DPYSL5: variants seen among roughly 807,000 people sequenced by gnomAD.
DPYSL5 encodes dihydropyrimidinase-related protein 5.
DPYSL5 carries 9 observed loss-of-function variants against 58.4 expected under a neutral mutation model. The ratio of observed to expected loss-of-function variants is 0.15; its 90% confidence interval spans 0.09 to 0.27. DPYSL5 has a LOEUF of 0.27. DPYSL5 is among the 10% of genes least tolerant of loss of function. The pLI, the probability that DPYSL5 is intolerant of heterozygous loss-of-function variation, is 1.00. For missense variants in DPYSL5, 499 were observed against 770.6 expected, an observed-to-expected ratio of 0.65 and a Z score of 4.17; for synonymous variants, 293 against 301.9, an observed-to-expected ratio of 0.97 and a Z score of 0.31.
chr2:26,905,593 C>T lies in DPYSL5; in HGVS notation c.261+6833C>T, dbSNP rs944616704. Among the ~76,000 whole-genome samples the T allele has an allele frequency of 3.3e-5, 5 of 152,128 alleles. No homozygotes were observed. Among genetic ancestry groups the T allele is most frequent in the Admixed American group, 6.5e-5 (1 of 15,268 alleles). On this transcript the variant is annotated intron_variant, in intron 2 of 12. Transcript: ENST00000288699. This position sits in a 1 kb window ranked among gnomAD's most constrained non-coding sequence, Gnocchi z 4.0. ...TCTTCCTGCTGCCCTACCACCCCTC[C>T]GGCCTAGCTGTGGGGGCTGGGATTG...
chr2:26,904,489 A>C (rs993675808), intron 2 of DPYSL5, among the ~76,000 whole-genome samples: 1 of 152,268 alleles, frequency 6.6e-6, no homozygotes, highest in African/African-American at 2.4e-5. Flanking sequence ...CCAGACTCAT[A>C]TGGTCTTGCT....
Position 26,934,767 on chromosome 2 carries a change from T to C in DPYSL5, c.947+33T>C, listed in dbSNP as rs1558352944. 1 of 1,611,236 alleles carries C rather than the reference T, an allele frequency of 6.2e-7. No homozygotes were observed. The highest frequency in any genetic ancestry group is 8.5e-7 in the Non-Finnish European group (1 of 1,178,312). ...GTTTCAGCAGCACATTGCAGGGATG[T>C]GTACATCTTTAGGAAGACGTCATAG... On this transcript the variant is annotated intron_variant, in intron 8 of 12. Transcript: ENST00000288699. The surrounding 1 kb of genome is among the most constrained non-coding windows in gnomAD (Gnocchi z 4.3).
chr2:26,940,934 A>ATTATTAT (rs1665300903), intron 9 of DPYSL5, among the ~76,000 whole-genome samples: 2 of 104,710 alleles, frequency 1.9e-5, no homozygotes, highest in South Asian at 3.2e-4. Context: ...TATTATTATT[A>ATTATTAT]TTATTTATTT....
At chr2:26,888,934 G>A (rs1663799447) in intron 1 of DPYSL5, among the ~76,000 whole-genome samples, 1 of 152,038 alleles carries the variant, frequency 6.6e-6, no homozygotes, top group Non-Finnish European at 1.5e-5. Context: ...TTGCTGTTGA[G>A]GGCTCTCTTC....
chr2:26,934,452 T>G lies in DPYSL5; in HGVS notation c.791-126T>G. The G allele has an allele frequency of 8.6e-7, 1 of 1,160,606 alleles. No individual in the cohort carries two copies. The highest frequency in any genetic ancestry group is 1.2e-6 in the Non-Finnish European group (1 of 833,336). 71.9% of individuals were successfully genotyped at this position (1,160,606 alleles called of 1,614,324 possible). A position where few individuals can be genotyped will look rare whatever the true frequency, so the allele number is the denominator to read the frequency against. On this transcript the variant is annotated intron_variant, in intron 7 of 12. Transcript: ENST00000288699. This position sits in a 1 kb window ranked among gnomAD's most constrained non-coding sequence, Gnocchi z 4.3. ...CCCAGCTGTGCTCTTAAAAGCCCTGTGAGCTTGGGCAGGTCCCTTCCTGTC... is the reference window on the plus strand; with the variant it reads ...CCCAGCTGTGCTCTTAAAAGCCCTGGGAGCTTGGGCAGGTCCCTTCCTGTC...
intron 1 of DPYSL5, among the ~76,000 whole-genome samples, chr2:26,893,010 C>T (rs1205027137): frequency 1.3e-5 from 2 of 152,234 alleles, no homozygotes; most frequent in African/African-American, 4.8e-5. Flanking sequence ...TCCAGTCCAA[C>T]TCCCCACGGC....
At position 26,947,309 on chromosome 2, in the gene DPYSL5, C is replaced by A; in HGVS notation, c.*314C>A. The A allele has an allele frequency of 4.1e-6, 1 of 245,514 alleles. No homozygotes were observed. Among genetic ancestry groups the A allele is most frequent in the South Asian group, 9.5e-5 (1 of 10,552 alleles). The allele number at this position is 245,514 out of a possible 1,614,324, so 15.2% of individuals were successfully genotyped here. On this transcript the variant is annotated 3_prime_UTR_variant, in exon 13 of 13. Transcript: ENST00000288699. The surrounding 1 kb of genome is among the most constrained non-coding windows in gnomAD (Gnocchi z 4.2). Reference sequence around the variant, plus strand: ...GAGCCCTGGCCAGCCCTTCCTCTCACTCCTGCCTCCGCTGGCTTTGGGAAA... The same window carrying A: ...GAGCCCTGGCCAGCCCTTCCTCTCAATCCTGCCTCCGCTGGCTTTGGGAAA...
At position 26,931,591 on chromosome 2, in the gene DPYSL5, T is replaced by C. The variant is rs758987705; in HGVS notation, c.670-49T>C. The stretch of plus-strand genomic sequence containing the variant: ...GGGGAGAGTATGGTGTGGGTATCCT[T>C]GGAGGAGATGGTGAAGTTTGGTTTC... On this transcript the variant is annotated intron_variant, in intron 5 of 12. Coordinates refer to ENST00000288699, the MANE Select transcript of DPYSL5 (RefSeq NM_020134.4). 7.5e-6 allele frequency: 12 copies of C among 1,610,298 alleles called. 1 individual carries two copies. The Middle Eastern group carries it at 8.3e-4, about 111-fold the overall frequency.
intron 5 of DPYSL5, among the ~76,000 whole-genome samples, chr2:26,928,708 C>T (rs79367620): frequency 8.1e-4 from 25 of 30,994 alleles, no homozygotes; most frequent in South Asian, 1.4e-3. Context: ...TATATATACA[C>T]ACACACACAT....
At chr2:26,891,290 G>A (rs1010384637) in intron 1 of DPYSL5, among the ~76,000 whole-genome samples, 1 of 152,168 alleles carries the variant, frequency 6.6e-6, no homozygotes, top group African/African-American at 2.4e-5. Context: ...ATTATTAATA[G>A]AGTCCTTTAA....
chr2:26,861,065 TG>T (rs1325803664), intron 1 of DPYSL5, among the ~76,000 whole-genome samples: 2 of 152,282 alleles, frequency 1.3e-5, no homozygotes, highest in Non-Finnish European at 2.9e-5. Context: ...GTGAAGTTCT[TG>T]GGCCCATGTG....
intron 6 of DPYSL5, among the ~76,000 whole-genome samples, chr2:26,932,181 AAG>A (rs1169400710): frequency 5.3e-5 from 4 of 75,016 alleles, no homozygotes; most frequent in South Asian, 1.0e-3. Context: ...GAAAGAAAGA[AAG>A]AAAGAAAGAA....
rs1473078282 is a variant in DPYSL5 at position 26,931,648 on chromosome 2, T to C, written c.678T>C (p.Ala226=). ...TCCTTTGTTTCTAACAGCTGGAAGCTGAAGCCACTCATCGTGTTATCACCA... is the reference window on the plus strand; with the variant it reads ...TCCTTTGTTTCTAACAGCTGGAAGCCGAAGCCACTCATCGTGTTATCACCA... ...IEISRPEELE[A]EATHRVITIA... The change falls in exon 6 of 13, where the codon GCT becomes GCC. Residue 226 remains alanine, a synonymous_variant. Transcript: ENST00000288699. 29 of 1,613,930 alleles carry C rather than the reference T, an allele frequency of 1.8e-5. No homozygotes were observed. The highest frequency in any genetic ancestry group is 2.4e-5 in the Non-Finnish European group (28 of 1,179,966).
At chr2:26,946,377 C>T (rs527509645) in intron 12 of DPYSL5, among the ~76,000 whole-genome samples, 5 of 152,164 alleles carry the variant, frequency 3.3e-5, no homozygotes, top group Admixed American at 2.6e-4. Context: ...GGGCACTAGA[C>T]CCTCCCTTTC....
intron 1 of DPYSL5, among the ~76,000 whole-genome samples, chr2:26,866,236 G>A (rs1215379945): frequency 6.6e-6 from 1 of 152,164 alleles, no homozygotes; most frequent in Non-Finnish European, 1.5e-5. Context: ...GTTGCTGTGA[G>A]GATAAGAAAT....
intron 1 of DPYSL5, among the ~76,000 whole-genome samples, chr2:26,876,961 CTTTTTT>C (rs10707678): frequency 0.014 from 1,564 of 112,256 alleles, 23 homozygotes; most frequent in Non-Finnish European, 0.02. Flanking sequence ...TCCACAGCCA[CTTTTTT>C]TTTTTTTTTT....
rs919514497 is a variant in DPYSL5 at position 26,942,898 on chromosome 2, G to A, written c.1440+148G>A. On this transcript the variant is annotated intron_variant, in intron 11 of 12. Coordinates refer to ENST00000288699, the MANE Select transcript of DPYSL5 (RefSeq NM_020134.4). The surrounding 1 kb of genome is among the most constrained non-coding windows in gnomAD (Gnocchi z 5.9). Reference sequence around the variant, plus strand: ...CTCCAGCGTTGAGAGGGGAGTGTGCGGCAGCGCCAGGGAACGCTAGAGTCA... The same window carrying A: ...CTCCAGCGTTGAGAGGGGAGTGTGCAGCAGCGCCAGGGAACGCTAGAGTCA... 1 of 895,152 alleles carries A rather than the reference G, an allele frequency of 1.1e-6. No homozygotes were observed. The highest frequency in any genetic ancestry group is 1.7e-6 in the Non-Finnish European group (1 of 595,406). The allele number at this position is 895,152 out of a possible 1,614,324, so 55.5% of individuals were successfully genotyped here. A position where few individuals can be genotyped will look rare whatever the true frequency, so the allele number is the denominator to read the frequency against.
intron 1 of DPYSL5, among the ~76,000 whole-genome samples, chr2:26,882,706 G>C (rs1417563088): frequency 6.6e-6 from 1 of 152,026 alleles, no homozygotes; most frequent in African/African-American, 2.4e-5. Flanking sequence ...TTCAAGACTA[G>C]CCTGGGCAAC....
rs1001065010 is a variant in DPYSL5 at position 26,933,875 on chromosome 2, G to A, written c.790+542G>A. ...TTGCAGATGCTTGGAGTCCAGCCCC[G>A]CCCCAGGTGCTGGTGAGGGCCTGGC... On this transcript the variant is annotated intron_variant, in intron 7 of 12. Transcript: ENST00000288699. The surrounding 1 kb of genome is among the most constrained non-coding windows in gnomAD (Gnocchi z 4.2). 7.9e-5 allele frequency among the ~76,000 whole-genome samples: 12 copies of A among 152,110 alleles called. No individual in the cohort carries two copies. The highest frequency in any genetic ancestry group is 3.9e-4 in the Admixed American group (6 of 15,266).
Sources: gnomAD v4.1 joint callset for allele counts (sites outside exome capture counted in the v4.1 genomes callset) on GRCh38, gnomAD v4.1.1 for gene constraint, Gnocchi (gnomAD v3.1) non-coding constraint, MANE v1.5 for transcripts, NCBI Gene and HGNC (gene_info 2026-07-23, HGNC 2026-07-21) for gene names.